KLF13: variants seen among roughly 807,000 people sequenced by gnomAD.
The protein encoded by KLF13 is Krueppel-like factor 13.
In KLF13, 8 loss-of-function variants were observed where a neutral mutation model predicts 16.7. The observed-to-expected ratio is 0.48, with a 90% CI of 0.28 to 0.87. KLF13 has a LOEUF of 0.87. Among genes scored for constraint, KLF13 ranks in the 40% least tolerant of loss-of-function variants. The pLI is 0.10. For synonymous variants in KLF13, 245 were observed against 208.4 expected, an observed-to-expected ratio of 1.18 and a Z score of -1.51; for missense variants, 447 against 452.2, an observed-to-expected ratio of 0.99 and a Z score of 0.10.
chr15:31,363,192 C>T (rs2039415803), intron 1 of KLF13, among the ~76,000 whole-genome samples: 2 of 152,236 alleles, frequency 1.3e-5, no homozygotes, highest in Admixed American at 1.3e-4. Flanking sequence ...GATAAGCTAC[C>T]AAGCTGCATT....
chr15:31,329,826 G>T (rs939473836), intron 1 of KLF13, among the ~76,000 whole-genome samples: 1 of 152,138 alleles, frequency 6.6e-6, no homozygotes, highest in African/African-American at 2.4e-5. Context: ...GTGGAAGCCG[G>T]CCTCCAAGTT....
At chr15:31,402,980 A>G (rs934672035) in intron 2 of KLF13, among the ~76,000 whole-genome samples, 1 of 148,428 alleles carries the variant, frequency 6.7e-6, no homozygotes, top group East Asian at 1.9e-4. Flanking sequence ...ACTGACGCAC[A>G]GGGCCAGGTC....
intron 1 of KLF13, among the ~76,000 whole-genome samples, chr15:31,425,466 A>C (rs2040389809): frequency 6.6e-6 from 1 of 152,180 alleles, no homozygotes; most frequent in South Asian, 2.1e-4. Context: ...CCCAGAAATA[A>C]ATTTTCACAT....
At chr15:31,388,300 G>A (rs767691051), upstream of KLF13, among the ~76,000 whole-genome samples, 3 of 152,136 alleles carry the variant, frequency 2.0e-5, no homozygotes, top group African/African-American at 7.2e-5. Flanking sequence ...GAAAGTGCCA[G>A]TGAAAATGAT....
At chr15:31,337,757 C>G (rs1308021320) in intron 1 of KLF13, among the ~76,000 whole-genome samples, 1 of 152,182 alleles carries the variant, frequency 6.6e-6, no homozygotes, top group African/African-American at 2.4e-5. Context: ...TCTTATGGGA[C>G]CAGCCTCTCG....
intron 1 of KLF13, among the ~76,000 whole-genome samples, chr15:31,427,499 G>A (rs2040414067): frequency 6.6e-6 from 1 of 152,128 alleles, no homozygotes; most frequent in Non-Finnish European, 1.5e-5. Context: ...GGCTTTCAAA[G>A]TGATGTTTGC....
At position 31,434,873 on chromosome 15, in the gene KLF13, G is replaced by A. The variant is rs373274266; in HGVS notation, n.118-497G>A. Among the ~76,000 whole-genome samples the A allele has an allele frequency of 1.6e-4, 24 of 152,322 alleles. 2 individuals are homozygous for A. Among genetic ancestry groups the A allele is most frequent in the Admixed American group, 9.1e-4 (14 of 15,304 alleles). On this transcript the variant is annotated intron_variant and non_coding_transcript_variant, in intron 1 of 1. Coordinates refer to the KLF13 transcript ENST00000558225. ...AAGGCCATGGGGCAGCCCACTGGGC[G>A]CCTTCCTGCATGGGTGTCCCCCTTT...
intron 1 of KLF13, among the ~76,000 whole-genome samples, chr15:31,414,809 TAGA>T (rs572925641): frequency 6.6e-6 from 1 of 152,262 alleles, no homozygotes; most frequent in South Asian, 2.1e-4. Context: ...AATAAAGAAG[TAGA>T]AGAAGACTTG....
At chr15:31,339,503 G>A (rs534033004) in intron 1 of KLF13, among the ~76,000 whole-genome samples, 1 of 152,320 alleles carries the variant, frequency 6.6e-6, no homozygotes, top group African/African-American at 2.4e-5. Flanking sequence ...GCATGCTTAC[G>A]TAGACACCAC....
chr15:31,338,364 C>G (rs977688393), intron 1 of KLF13, among the ~76,000 whole-genome samples: 1 of 152,082 alleles, frequency 6.6e-6, no homozygotes, highest in Admixed American at 6.5e-5. Flanking sequence ...TGTGTATGTG[C>G]TTGTATATGC....
intron 2 of KLF13, among the ~76,000 whole-genome samples, chr15:31,397,117 C>T (rs1416867421): frequency 2.0e-5 from 3 of 151,892 alleles, no homozygotes; most frequent in Non-Finnish European, 4.4e-5. Context: ...TTTGACTTTG[C>T]CACAGGAACA....
intron 1 of KLF13, among the ~76,000 whole-genome samples, chr15:31,429,653 T>C (rs1248063199): frequency 6.6e-6 from 1 of 152,092 alleles, no homozygotes; most frequent in Non-Finnish European, 1.5e-5. Flanking sequence ...TAGAAGAAAA[T>C]ACAGGAGACT....
At chr15:31,328,876 C>G (rs894202137) in intron 1 of KLF13, among the ~76,000 whole-genome samples, 1 of 152,234 alleles carries the variant, frequency 6.6e-6, no homozygotes, top group Non-Finnish European at 1.5e-5. Context: ...ACCTCTTCTA[C>G]CTTGGGGGCA....
Position 31,376,970 on chromosome 15 carries a change from G to T in KLF13, c.*4671G>T, listed in dbSNP as rs1364561071. The T allele has an allele frequency of 2.0e-5, 3 of 147,540 alleles. No individual in the cohort carries two copies. In the East Asian group the frequency reaches 6.2e-4, roughly 31 times the overall value. 9.1% of individuals were successfully genotyped at this position (147,540 alleles called of 1,614,324 possible). A position where few individuals can be genotyped will look rare whatever the true frequency, so the allele number is the denominator to read the frequency against. On this transcript the variant is annotated 3_prime_UTR_variant, in exon 2 of 2. Transcript: ENST00000307145. ...ACAAGTCACACATTCCGGGGAGGGG[G>T]GTGGGGGGTGGAGGCAGGAAGTCAT...
upstream of KLF13, among the ~76,000 whole-genome samples, chr15:31,391,409 G>T (rs2039865062): frequency 7.3e-6 from 1 of 136,100 alleles, no homozygotes; most frequent in Non-Finnish European, 1.6e-5. Context: ...CTGTAGGGCT[G>T]TGGAGGGGGG....
At chr15:31,363,401 C>T (rs1438599802) in intron 1 of KLF13, among the ~76,000 whole-genome samples, 1 of 152,148 alleles carries the variant, frequency 6.6e-6, no homozygotes, top group African/African-American at 2.4e-5. Context: ...AATATTTTTT[C>T]TCTCAGTTTT....
chr15:31,339,820 C>A (rs2038991443), intron 1 of KLF13: 1 of 638,198 alleles, frequency 1.6e-6, no homozygotes, highest in Admixed American at 2.3e-5. Flanking sequence ...CCTCCCGCCC[C>A]CCGCCTGCTG....
At chr15:31,399,725 C>A (rs2040007859) in intron 2 of KLF13, among the ~76,000 whole-genome samples, 1 of 152,202 alleles carries the variant, frequency 6.6e-6, no homozygotes, top group South Asian at 2.1e-4. Context: ...AGGGTGGGGT[C>A]GCTGTGGGGC....
At chr15:31,378,747 T>C (rs1185208617), downstream of KLF13, among the ~76,000 whole-genome samples, 1 of 152,116 alleles carries the variant, frequency 6.6e-6, no homozygotes, top group Admixed American at 6.5e-5. Flanking sequence ...GTAGCCCCAC[T>C]CGTTGCTGTC....
Sources: gnomAD v4.1 joint callset for allele counts (sites outside exome capture counted in the v4.1 genomes callset) on GRCh38, gnomAD v4.1.1 for gene constraint, MANE v1.5 for transcripts, NCBI Gene and HGNC (gene_info 2026-07-23, HGNC 2026-07-21) for gene names.